The following SOD2 variants were observed in gnomAD, a reference collection of about 807,000 sequenced individuals.
SOD2 encodes the protein superoxide dismutase [Mn], mitochondrial.
In SOD2, 11 loss-of-function variants were observed where a neutral mutation model predicts 27.0. The observed-to-expected ratio is 0.41, with a 90% CI of 0.26 to 0.67. The LOEUF is 0.67. SOD2 is among the 30% of genes least tolerant of loss of function. The probability of loss-of-function intolerance (pLI) is 0.34; values close to 1 mark genes in which losing one functional copy is unlikely to be tolerated. For missense variants in SOD2, 250 were observed against 274.5 expected (o/e 0.91, Z 0.63); for synonymous variants, 105 against 103.0 (o/e 1.02, Z -0.12).
chr6:159,723,410 T>C (rs925901081), intron 1 of SOD2, among the ~76,000 whole-genome samples: 18 of 152,240 alleles, frequency 1.2e-4, no homozygotes, highest in African/African-American at 4.3e-4. Context: ...CTAACTACAG[T>C]TGGCATAGCC....
rs73022761 is a variant in SOD2 at position 159,723,419 on chromosome 6, C to A, written c.-116+3710G>T. On this transcript the variant is annotated intron_variant, in intron 1 of 2. Transcript: ENST00000401980. ...GTTCTCCTAACTACAGTTGGCATAG[C>A]CTCATTGGTCTAAGCACTTCCTCTG... is the stretch of plus-strand genomic sequence containing the variant. Among the ~76,000 whole-genome samples the A allele has an allele frequency of 5.2e-3, 796 of 152,310 alleles. 4 individuals are homozygous for A. Among genetic ancestry groups the A allele is most frequent in the Non-Finnish European group, 7.8e-3 (533 of 68,040 alleles).
intron 1 of SOD2, chr6:159,742,009 G>GT (rs1779284477): frequency 1.9e-6 from 2 of 1,053,006 alleles, no homozygotes; most frequent in South Asian, 1.4e-5. Flanking sequence ...ACTAAAATCT[G>GT]TGAGTTTATA....
rs116014083 is a variant in SOD2 at position 159,689,347 on chromosome 6, T to G, written c.227-1105A>C. 7.4e-3 allele frequency among the ~76,000 whole-genome samples: 1,128 copies of G among 152,172 alleles called. 14 individuals carry two copies. Among genetic ancestry groups the G allele is most frequent in the African/African-American group, 0.025 (1,040 of 41,516 alleles). On this transcript the variant is annotated intron_variant, in intron 2 of 4. Coordinates refer to ENST00000538183, the MANE Select transcript of SOD2 (RefSeq NM_000636.4). ...TAGCCACCATACATGAATTAGCAAC[T>G]CCCTGCCACCCCTCCCAGACCCTTT... is the stretch of plus-strand genomic sequence containing the variant.
intron 2 of SOD2, among the ~76,000 whole-genome samples, chr6:159,688,559 T>G (rs917933527): frequency 2.6e-5 from 4 of 152,198 alleles, no homozygotes; most frequent in Non-Finnish European, 4.4e-5. Context: ...AATGCTAAAA[T>G]GTATGGCTCA....
At chr6:159,696,242 A>G (rs894366217), upstream of SOD2, among the ~76,000 whole-genome samples, 1 of 152,170 alleles carries the variant, frequency 6.6e-6, no homozygotes, top group African/African-American at 2.4e-5. Context: ...AATAGCTTCC[A>G]CAGCACCAGC....
chr6:159,706,621 G>C (rs1386980450), intron 1 of SOD2, among the ~76,000 whole-genome samples: 1 of 152,104 alleles, frequency 6.6e-6, no homozygotes, highest in Non-Finnish European at 1.5e-5. Flanking sequence ...CATAAACCAA[G>C]TCCTTAGAGA....
At chr6:159,748,510 A>G (rs1487425858), upstream of SOD2, 2 of 1,444,954 alleles carry the variant, frequency 1.4e-6, no homozygotes, top group Admixed American at 2.8e-5. The surrounding 1 kb of genome is among the most constrained non-coding windows in gnomAD (Gnocchi z 5.6). Context: ...TACACTGTCC[A>G]GCTTGTAATG....
intron 1 of SOD2, among the ~76,000 whole-genome samples, chr6:159,739,661 A>G (rs1282960182): frequency 1.3e-5 from 2 of 152,138 alleles, no homozygotes; most frequent in African/African-American, 2.4e-5. Context: ...AAGTTTCTTG[A>G]TAACTTAGAT....
intron 1 of SOD2, among the ~76,000 whole-genome samples, chr6:159,700,222 GGTTT>G (rs1441527293): frequency 6.6e-6 from 1 of 152,098 alleles, no homozygotes; most frequent in Non-Finnish European, 1.5e-5. Context: ...GGATCAGATT[GGTTT>G]CCAGGTGTCT....
chr6:159,720,919 C>T (rs569807094), intron 1 of SOD2, among the ~76,000 whole-genome samples: 26 of 127,026 alleles, frequency 2.0e-4, no homozygotes, highest in African/African-American at 6.0e-4. Flanking sequence ...TGCAATGGCG[C>T]GATCTCGGCT....
At chr6:159,730,158 A>G (rs577048141), upstream of SOD2, among the ~76,000 whole-genome samples, 1 of 152,302 alleles carries the variant, frequency 6.6e-6, no homozygotes, top group African/African-American at 2.4e-5. Context: ...TGTTTTAATC[A>G]CCTAATAGCT....
At chr6:159,689,509 G>A (rs1206248302) in intron 2 of SOD2, among the ~76,000 whole-genome samples, 1 of 152,166 alleles carries the variant, frequency 6.6e-6, no homozygotes, top group Non-Finnish European at 1.5e-5. Context: ...AGAAAAAAAT[G>A]GAAATCCTCT....
chr6:159,679,344 G>C lies in SOD2; in HGVS notation c.*3149C>G, dbSNP rs546916316. ...TTTGTAAAACATTTACCTAATAATA[G>C]CTTTCCCAAACAGTACTTCCCCTGG... On this transcript the variant is annotated 3_prime_UTR_variant, in exon 5 of 5. Transcript: ENST00000538183. 2 of 152,286 alleles carry C rather than the reference G, an allele frequency of 1.3e-5. No homozygotes were observed. The highest frequency in any genetic ancestry group is 3.9e-4 in the East Asian group (2 of 5,192). 9.4% of individuals were successfully genotyped at this position (152,286 alleles called of 1,614,324 possible). A position where few individuals can be genotyped will look rare whatever the true frequency, so the allele number is the denominator to read the frequency against.
chr6:159,747,185 AATG>A (rs1779625390), upstream of SOD2, among the ~76,000 whole-genome samples: 1 of 152,228 alleles, frequency 6.6e-6, no homozygotes, highest in Non-Finnish European at 1.5e-5. Flanking sequence ...GTATGAAGAA[AATG>A]ATGAATTTAA....
intron 1 of SOD2, among the ~76,000 whole-genome samples, chr6:159,722,142 T>C (rs913333252): frequency 1.3e-5 from 2 of 150,086 alleles, no homozygotes; most frequent in East Asian, 1.9e-4. Flanking sequence ...CTTTGGGAGG[T>C]TGAGGTGGGA....
chr6:159,699,867 C>T (rs558539294), intron 1 of SOD2, among the ~76,000 whole-genome samples: 37 of 152,220 alleles, frequency 2.4e-4, no homozygotes, highest in African/African-American at 8.7e-4. Context: ...GGAGTGGCCT[C>T]GCATACCACC....
chr6:159,693,238 G>T lies in SOD2; in HGVS notation c.-71C>A, dbSNP rs1477681179. ...CCGCTGCCGAAGCCACCACAGCCAC[G>T]AGTGCCGCTCCTGCGCCGCCCGCGG... is the stretch of plus-strand genomic sequence containing the variant. On this transcript the variant is annotated 5_prime_UTR_variant, in exon 1 of 5. Transcript: ENST00000538183. 4 of 1,417,516 alleles carry T rather than the reference G, an allele frequency of 2.8e-6. No homozygotes were observed. The highest frequency in any genetic ancestry group is 3.8e-6 in the Non-Finnish European group (4 of 1,047,316). 87.8% of individuals were successfully genotyped at this position (1,417,516 alleles called of 1,614,324 possible). A position where few individuals can be genotyped will look rare whatever the true frequency, so the allele number is the denominator to read the frequency against.
At position 159,711,984 on chromosome 6, in the gene SOD2, AC is replaced by A. The variant is rs1235958988; in HGVS notation, c.-116+15144del. Among the ~76,000 whole-genome samples, 348 of 96,310 alleles carry A rather than the reference AC, an allele frequency of 3.6e-3. 5 individuals carry two copies. The highest frequency in any genetic ancestry group is 0.013 in the African/African-American group (289 of 22,688). 63.2% of individuals were successfully genotyped at this position (96,310 alleles called of 152,430 possible). On this transcript the variant is annotated intron_variant, in intron 1 of 2. Coordinates refer to the SOD2 transcript ENST00000401980. ...ATAACCACCTCCATAACCACCACTC[AC>A]ACTGCTCAGACCTCCATAACCACCT...
intron 1 of SOD2, chr6:159,712,713 C>T (rs1777849651): frequency 2.6e-6 from 1 of 386,948 alleles, no homozygotes; most frequent in Non-Finnish European, 5.2e-6. Context: ...CCTCCATAAC[C>T]ACCTCCATAA....
Sources: allele counts gnomAD v4.1 joint callset (sites outside exome capture counted in the v4.1 genomes callset), GRCh38; gene constraint gnomAD v4.1.1; non-coding constraint Gnocchi (gnomAD v3.1); transcripts MANE v1.5; gene names NCBI Gene and HGNC (gene_info 2026-07-23, HGNC 2026-07-21).